The following RAP1GDS1 variants were observed in gnomAD, a reference collection of about 807,000 sequenced individuals.
RAP1GDS1 encodes Rap1 GTPase-GDP dissociation stimulator 1, also known as RAP1, GTP-GDP dissociation stimulator 1.
RAP1GDS1 carries 35 observed loss-of-function variants against 71.1 expected under a neutral mutation model. The ratio of observed to expected loss-of-function variants is 0.49; its 90% confidence interval spans 0.38 to 0.65. The LOEUF is 0.65. Among genes scored for constraint, RAP1GDS1 ranks in the 30% least tolerant of loss-of-function variants. The pLI, the probability that RAP1GDS1 is intolerant of heterozygous loss-of-function variation, is 0.00. For missense variants in RAP1GDS1, 663 were observed against 706.1 expected (o/e 0.94, Z 0.69); for synonymous variants, 229 against 243.1 (o/e 0.94, Z 0.54).
In RAP1GDS1 at chr4:98,397,093, T is replaced by A. The variant is rs555808843; in HGVS notation, c.637+5013T>A. ...TTTTTTCCCAATAATGAAAAAAAGATTGTTTTCCTCCTGATTGTTATTTAT... is the reference window on the plus strand; with the variant it reads ...TTTTTTCCCAATAATGAAAAAAAGAATGTTTTCCTCCTGATTGTTATTTAT... On this transcript the variant is annotated intron_variant, in intron 6 of 14. Transcript: ENST00000408927. Among the ~76,000 whole-genome samples, 79 of 152,256 alleles carry A rather than the reference T, an allele frequency of 5.2e-4. 1 individual carries two copies. In the South Asian group the frequency reaches 0.016, roughly 31 times the overall value.
chr4:98,346,456 A>T (rs1736274285), intron 3 of RAP1GDS1, among the ~76,000 whole-genome samples: 3 of 152,172 alleles, frequency 2.0e-5, no homozygotes, highest in Admixed American at 2.0e-4. Context: ...AATAAAGTTG[A>T]GACTCCAGAA....
rs1005274411 is a variant in RAP1GDS1, at chr4:98,309,897, A to C, written c.112+16382A>C. ...GTAATATATGTATATACATATATAT[A>C]TAATGGGTTATATAATTAAGAGTCT... is the stretch of plus-strand genomic sequence containing the variant. On this transcript the variant is annotated intron_variant, in intron 2 of 14. Coordinates refer to ENST00000408927, the MANE Select transcript of RAP1GDS1 (RefSeq NM_001100427.2). 4.6e-5 allele frequency among the ~76,000 whole-genome samples: 7 copies of C among 152,010 alleles called. No homozygotes were observed. The South Asian group carries it at 1.5e-3, about 32-fold the overall frequency.
chr4:98,410,124 A>T (rs1422773808), intron 7 of RAP1GDS1, among the ~76,000 whole-genome samples: 1 of 152,136 alleles, frequency 6.6e-6, no homozygotes, highest in Non-Finnish European at 1.5e-5. Flanking sequence ...AATAAATAAA[A>T]GTTAAAACTC....
In RAP1GDS1 at chr4:98,312,163, C is replaced by A. The variant is rs941413590; in HGVS notation, c.112+18648C>A. On this transcript the variant is annotated intron_variant, in intron 2 of 14. Coordinates refer to ENST00000408927, the MANE Select transcript of RAP1GDS1 (RefSeq NM_001100427.2). The stretch of plus-strand genomic sequence containing the variant: ...CTGTTTAGCTCACTATTCTCAGGGC[C>A]AGGGGAAGCATTTTAATAATAGTAT... 3.3e-5 allele frequency among the ~76,000 whole-genome samples: 5 copies of A among 152,216 alleles called. No individual in the cohort carries two copies. The East Asian group carries it at 9.7e-4, about 29-fold the overall frequency.
intron 2 of RAP1GDS1, among the ~76,000 whole-genome samples, chr4:98,332,025 T>G (rs1298177743): frequency 6.6e-6 from 1 of 152,194 alleles, no homozygotes; most frequent in Non-Finnish European, 1.5e-5. Context: ...AAAGACCACA[T>G]GAAGTTATCT....
chr4:98,355,662 AAGG>A (rs1331409423), intron 4 of RAP1GDS1, among the ~76,000 whole-genome samples: 2 of 152,214 alleles, frequency 1.3e-5, no homozygotes, highest in African/African-American at 2.4e-5. Flanking sequence ...GTGTATTTGA[AAGG>A]AGGTGAGCTC....
intron 7 of RAP1GDS1, among the ~76,000 whole-genome samples, chr4:98,408,422 C>T (rs188803505): frequency 2.9e-4 from 44 of 152,200 alleles, no homozygotes; most frequent in Admixed American, 2.2e-3. Context: ...CATGAGCCAC[C>T]GTGCCTGGCC....
chr4:98,295,479 T>C (rs907474147), intron 2 of RAP1GDS1, among the ~76,000 whole-genome samples: 1 of 152,090 alleles, frequency 6.6e-6, no homozygotes, highest in Non-Finnish European at 1.5e-5. Context: ...TTGGATCACT[T>C]ACTGTATGTT....
chr4:98,345,988 C>G (rs1421609523), intron 3 of RAP1GDS1, among the ~76,000 whole-genome samples: 1 of 152,078 alleles, frequency 6.6e-6, no homozygotes, highest in East Asian at 1.9e-4. Context: ...AGTTCCCTGC[C>G]TTTGACCTGT....
chr4:98,261,396 C>T lies in RAP1GDS1; in HGVS notation c.-170C>T, dbSNP rs1721936542. ...CCCGCCCCCCGCCGCTCGTCCCCGC[C>T]GCGGCCGCGCCGCCTGCAGCAGCAC... On this transcript the variant is annotated 5_prime_UTR_variant, in exon 1 of 15. Transcript: ENST00000408927. 4.3e-6 allele frequency: 1 copy of T among 231,980 alleles called. No individual in the cohort carries two copies. Among genetic ancestry groups the T allele is most frequent in the Non-Finnish European group, 7.6e-6 (1 of 131,546 alleles). 14.4% of individuals were successfully genotyped at this position (231,980 alleles called of 1,614,324 possible).
chr4:98,296,801 T>C (rs1727820524), intron 2 of RAP1GDS1: 1 of 248,430 alleles, frequency 4.0e-6, no homozygotes. Context: ...CTTTGGAGAA[T>C]GTGGCATCTA....
At chr4:98,308,275 CACAT>C (rs1405571996) in intron 2 of RAP1GDS1, among the ~76,000 whole-genome samples, 2 of 134,944 alleles carry the variant, frequency 1.5e-5, no homozygotes, top group African/African-American at 5.7e-5. Context: ...CACACCCACA[CACAT>C]ATATATACAC....
At chr4:98,392,138 T>G in intron 6 of RAP1GDS1, 58 bp downstream of exon 6, 1 of 1,466,228 alleles carries the variant, frequency 6.8e-7, no homozygotes. Flanking sequence ...TTACAATAAA[T>G]TTTTCTGTAG....
At chr4:98,303,053 A>G (rs1028174470) in intron 2 of RAP1GDS1, among the ~76,000 whole-genome samples, 1 of 152,092 alleles carries the variant, frequency 6.6e-6, no homozygotes, top group Non-Finnish European at 1.5e-5. Context: ...CTCAAATAAA[A>G]AAAAAAAAAA....
At chr4:98,430,901 A>G (rs891116141) in intron 12 of RAP1GDS1, among the ~76,000 whole-genome samples, 2 of 152,150 alleles carry the variant, frequency 1.3e-5, no homozygotes, top group African/African-American at 4.8e-5. Flanking sequence ...ACAAGGTTTC[A>G]TGCTGCTTAG....
intron 7 of RAP1GDS1, among the ~76,000 whole-genome samples, chr4:98,405,993 T>C (rs1746057712): frequency 6.6e-6 from 1 of 152,082 alleles, no homozygotes; most frequent in Non-Finnish European, 1.5e-5. Context: ...GACACTTGTG[T>C]TATCTGGAAG....
intron 2 of RAP1GDS1, among the ~76,000 whole-genome samples, chr4:98,304,461 T>C (rs921514194): frequency 1.8e-4 from 27 of 152,208 alleles, no homozygotes; most frequent in African/African-American, 6.5e-4. Context: ...TGTTGAGCTT[T>C]TTTTTCCTGT....
At chr4:98,411,198 G>T (rs1054297580) in intron 7 of RAP1GDS1, among the ~76,000 whole-genome samples, 12 of 152,204 alleles carry the variant, frequency 7.9e-5, no homozygotes, top group African/African-American at 2.9e-4. Flanking sequence ...AATGTGCTGG[G>T]CTGTCTGCTT....
intron 6 of RAP1GDS1, among the ~76,000 whole-genome samples, chr4:98,401,945 G>A (rs1745473512): frequency 6.6e-6 from 1 of 152,154 alleles, no homozygotes; most frequent in African/African-American, 2.4e-5. Context: ...GTAACTAGAT[G>A]AATGATGATG....
Sources: allele counts gnomAD v4.1 joint callset (sites outside exome capture counted in the v4.1 genomes callset), GRCh38; gene constraint gnomAD v4.1.1; transcripts MANE v1.5; gene names NCBI Gene and HGNC (gene_info 2026-07-23, HGNC 2026-07-21).